Variants in GRM8 observed in about 807,000 individuals in gnomAD.
GRM8 encodes glutamate metabotropic receptor 8, also known as metabotropic glutamate receptor 8.
A neutral mutation model predicts 87.2 loss-of-function variants in GRM8; 47 were observed. That is an observed-to-expected ratio of 0.54 (90% CI 0.43 to 0.69). The LOEUF (loss-of-function observed/expected upper bound fraction) is 0.69. GRM8 is among the 30% of genes least tolerant of loss of function. The pLI is 0.00. For synonymous variants in GRM8, 396 were observed against 404.5 expected, an observed-to-expected ratio of 0.98 and a Z score of 0.25; for missense variants, 1,019 against 1,139.2, an observed-to-expected ratio of 0.89 and a Z score of 1.52.
At chr7:127,139,443 A>G (rs1348031408) in intron 2 of GRM8, among the ~76,000 whole-genome samples, 1 of 152,138 alleles carries the variant, frequency 6.6e-6, no homozygotes, top group Non-Finnish European at 1.5e-5. Flanking sequence ...AAATCTCAGA[A>G]AGAAAAGAGC....
intron 7 of GRM8, among the ~76,000 whole-genome samples, chr7:126,706,942 T>C (rs1810587655): frequency 6.6e-6 from 1 of 152,104 alleles, no homozygotes; most frequent in African/African-American, 2.4e-5. Flanking sequence ...CCTTTTTACC[T>C]CATGCCTACC....
At chr7:127,045,583 T>C (rs965083093) in intron 3 of GRM8, among the ~76,000 whole-genome samples, 1 of 152,234 alleles carries the variant, frequency 6.6e-6, no homozygotes, top group Non-Finnish European at 1.5e-5. Context: ...CCATCTTCAA[T>C]TTATTTTTTT....
intron 3 of GRM8, among the ~76,000 whole-genome samples, chr7:126,998,513 T>A (rs188112765): frequency 1.3e-3 from 194 of 151,966 alleles, no homozygotes; most frequent in Non-Finnish European, 2.1e-3. Context: ...TTATATTATA[T>A]TTGGTAAAGC....
At chr7:127,039,609 TTGAGTGAGAAGGGGAAGG>T (rs1818160517) in intron 3 of GRM8, among the ~76,000 whole-genome samples, 1 of 129,198 alleles carries the variant, frequency 7.7e-6, no homozygotes, top group Non-Finnish European at 1.6e-5. Flanking sequence ...TGGTCTGCTC[TTGAGTGAGAAGGGGAAGG>T]GGAAGGAGAA....
chr7:126,590,276 G>A (rs1796554724), intron 8 of GRM8, among the ~76,000 whole-genome samples: 1 of 151,692 alleles, frequency 6.6e-6, no homozygotes, highest in Non-Finnish European at 1.5e-5. Context: ...GCAGAAGAAA[G>A]AACTTCAGAG....
At chr7:126,575,495 A>G (rs1421768466) in intron 8 of GRM8, among the ~76,000 whole-genome samples, 1 of 152,098 alleles carries the variant, frequency 6.6e-6, no homozygotes, top group Admixed American at 6.6e-5. Flanking sequence ...TCTCACCCCA[A>G]GTCCATGGAA....
At chr7:126,768,925 T>TACAAAAAAAAAAAAAA (rs1818511654) in intron 7 of GRM8, among the ~76,000 whole-genome samples, 1 of 60,774 alleles carries the variant, frequency 1.6e-5, no homozygotes, top group African/African-American at 7.1e-5. Flanking sequence ...AAAGGAAAAA[T>TACAAAAAAAAAAAAAA]GCAAAAAAAA....
At chr7:126,825,880 C>A (rs1407281642) in intron 6 of GRM8, among the ~76,000 whole-genome samples, 1 of 150,554 alleles carries the variant, frequency 6.6e-6, no homozygotes, top group Non-Finnish European at 1.5e-5. Flanking sequence ...CTCCCCCCAC[C>A]CCACAACAGT....
intron 2 of GRM8, among the ~76,000 whole-genome samples, chr7:127,186,466 A>C (rs1794742500): frequency 6.6e-6 from 1 of 152,132 alleles, no homozygotes. Flanking sequence ...AGAGTGAAGC[A>C]AGAGTATTTA....
intron 7 of GRM8, among the ~76,000 whole-genome samples, chr7:126,677,427 A>T (rs977287612): frequency 2.6e-5 from 4 of 152,122 alleles, no homozygotes; most frequent in Non-Finnish European, 4.4e-5. Context: ...TACAATTCAC[A>T]ATTACAAAGA....
intron 2 of GRM8, among the ~76,000 whole-genome samples, chr7:127,201,992 C>G (rs1281902918): frequency 6.6e-6 from 1 of 152,150 alleles, no homozygotes; most frequent in African/African-American, 2.4e-5. Flanking sequence ...TTTGATGCTG[C>G]CTTTAAAGAG....
chr7:126,778,961 T>G (rs549768657), intron 6 of GRM8, among the ~76,000 whole-genome samples: 1 of 152,146 alleles, frequency 6.6e-6, no homozygotes, highest in Admixed American at 6.5e-5. Context: ...ATTTGTATAT[T>G]GGTGTGGCGT....
At chr7:126,728,144 G>A (rs960043923) in intron 7 of GRM8, among the ~76,000 whole-genome samples, 2 of 151,970 alleles carry the variant, frequency 1.3e-5, no homozygotes, top group African/African-American at 2.4e-5. Context: ...GCCACTATCC[G>A]CCACGCACCC....
intron 3 of GRM8, among the ~76,000 whole-genome samples, chr7:127,046,978 T>C (rs964030664): frequency 6.6e-6 from 1 of 152,228 alleles, no homozygotes; most frequent in African/African-American, 2.4e-5. Flanking sequence ...CCTAGTTTGG[T>C]GTGCGATTTC....
At chr7:126,846,483 A>G (rs1259343914) in intron 6 of GRM8, among the ~76,000 whole-genome samples, 1 of 152,242 alleles carries the variant, frequency 6.6e-6, no homozygotes, top group Non-Finnish European at 1.5e-5. Context: ...ACTGAAAGAT[A>G]TAGCCCAAAG....
intron 6 of GRM8, among the ~76,000 whole-genome samples, chr7:126,875,028 T>A (rs1799415994): frequency 6.6e-6 from 1 of 152,102 alleles, no homozygotes; most frequent in Non-Finnish European, 1.5e-5. Context: ...TATTAAAATG[T>A]CCAGTGCCTC....
chr7:126,903,870 T>C, intron 5 of GRM8, 102 bp downstream of exon 5: 1 of 591,188 alleles, frequency 1.7e-6, no homozygotes, highest in Non-Finnish European at 2.8e-6. Flanking sequence ...TTGTATCAAG[T>C]CATCAGTAAT....
At chr7:126,640,628 A>C (rs1463508126) in intron 7 of GRM8, among the ~76,000 whole-genome samples, 1 of 151,960 alleles carries the variant, frequency 6.6e-6, no homozygotes, top group Non-Finnish European at 1.5e-5. Flanking sequence ...TTGAGCCTAG[A>C]GGAAATCAGG....
chr7:126,773,414 T>G (rs2151617666), intron 6 of GRM8, among the ~76,000 whole-genome samples: 1 of 152,166 alleles, frequency 6.6e-6, no homozygotes, highest in East Asian at 1.9e-4. Flanking sequence ...ATTTGGAAAT[T>G]TTTTACAACC....
Sources: allele counts gnomAD v4.1 joint callset (sites outside exome capture counted in the v4.1 genomes callset), GRCh38; gene constraint gnomAD v4.1.1; transcripts MANE v1.5; gene names NCBI Gene and HGNC (gene_info 2026-07-23, HGNC 2026-07-21).